Variants in PPP1R14C observed in about 807,000 individuals in gnomAD.
The protein encoded by PPP1R14C is protein phosphatase 1 regulatory inhibitor subunit 14C.
A neutral mutation model predicts 20.4 loss-of-function variants in PPP1R14C; 16 were observed. The ratio of observed to expected loss-of-function variants is 0.78; its 90% CI spans 0.53 to 1.19. PPP1R14C has a LOEUF of 1.19. Ranked by LOEUF, PPP1R14C falls within the 50% of genes most tolerant of loss-of-function variation. The pLI is 0.00. For synonymous variants in PPP1R14C, 91 were observed against 91.0 expected, an observed-to-expected ratio of 1.00 and a Z score of 0.00; for missense variants, 211 against 220.1, an observed-to-expected ratio of 0.96 and a Z score of 0.26.
At chr6:150,198,609 AG>A (rs1183602368) in intron 1 of PPP1R14C, among the ~76,000 whole-genome samples, 2 of 152,228 alleles carry the variant, frequency 1.3e-5, no homozygotes, top group African/African-American at 4.8e-5. Flanking sequence ...AGGTGCCAGC[AG>A]GTGCTGAGAA....
chr6:150,236,010 C>G (rs946324509), intron 3 of PPP1R14C, among the ~76,000 whole-genome samples: 5 of 152,086 alleles, frequency 3.3e-5, no homozygotes, highest in African/African-American at 1.2e-4. Flanking sequence ...ATTACCTAAC[C>G]CGGTTGCTTA....
chr6:150,181,040 T>C lies in PPP1R14C; in HGVS notation c.307-33704T>C, dbSNP rs185187209. Among the ~76,000 whole-genome samples the C allele has an allele frequency of 4.6e-5, 7 of 152,310 alleles. No individual in the cohort carries two copies. The East Asian group carries it at 9.6e-4, about 21-fold the overall frequency. ...GCTCCTCCCTCAGGTCAGATTTAAA[T>C]TGAGTGGTTACTGATGTCTTTTTTA... is the stretch of plus-strand genomic sequence containing the variant. On this transcript the variant is annotated intron_variant, in intron 1 of 3. Transcript: ENST00000361131.
In PPP1R14C at chr6:150,249,752, C is replaced by T. The variant is rs1208767740; in HGVS notation, c.*932C>T. ...GCAGATCAAAAGAAAGTTAGCAGAT[C>T]GAGTGTCTTCTTCCTTAGAAATAGG... On this transcript the variant is annotated 3_prime_UTR_variant, in exon 4 of 4. Coordinates refer to ENST00000361131, the MANE Select transcript of PPP1R14C (RefSeq NM_030949.3). The T allele has an allele frequency of 1.3e-5, 5 of 391,736 alleles. No homozygotes were observed. Among genetic ancestry groups the T allele is most frequent in the Non-Finnish European group, 2.2e-5 (5 of 222,250 alleles). 24.3% of individuals were successfully genotyped at this position (391,736 alleles called of 1,614,324 possible).
At chr6:150,245,117 C>T (rs1374028037) in intron 3 of PPP1R14C, among the ~76,000 whole-genome samples, 1 of 152,080 alleles carries the variant, frequency 6.6e-6, no homozygotes, top group Non-Finnish European at 1.5e-5. Flanking sequence ...TTTCCTGTTC[C>T]CCCTCCCCGC....
In PPP1R14C at chr6:150,234,624, A is replaced by G. The variant is rs535538338; in HGVS notation, c.424-14122A>G. Among the ~76,000 whole-genome samples, 84 of 152,218 alleles carry G rather than the reference A, an allele frequency of 5.5e-4. 1 individual carries two copies. Among genetic ancestry groups the G allele is most frequent in the African/African-American group, 1.9e-3 (77 of 41,546 alleles). Reference sequence around the variant, plus strand: ...AGCACTTTGAGAGGCCAAGGCAGGCAGATCACTTTAGGTCGGGAGTTTGAG... The same window carrying G: ...AGCACTTTGAGAGGCCAAGGCAGGCGGATCACTTTAGGTCGGGAGTTTGAG... On this transcript the variant is annotated intron_variant, in intron 3 of 3. Coordinates refer to ENST00000361131, the MANE Select transcript of PPP1R14C (RefSeq NM_030949.3).
intron 1 of PPP1R14C, among the ~76,000 whole-genome samples, chr6:150,148,247 A>G (rs892274785): frequency 6.6e-6 from 1 of 152,188 alleles, no homozygotes; most frequent in African/African-American, 2.4e-5. Flanking sequence ...TCTTGGCAAC[A>G]ACTCTGAGAC....
chr6:150,230,041 C>T (rs1471502854), intron 3 of PPP1R14C, among the ~76,000 whole-genome samples: 5 of 152,156 alleles, frequency 3.3e-5, no homozygotes, highest in African/African-American at 4.8e-5. Flanking sequence ...GATTCAACTG[C>T]CTGCCTGTTT....
intron 3 of PPP1R14C, among the ~76,000 whole-genome samples, chr6:150,231,673 G>A (rs144962132): frequency 3.9e-5 from 6 of 152,316 alleles, no homozygotes; most frequent in Admixed American, 3.3e-4. Context: ...TTGGAATCAT[G>A]TGGGGGTGAC....
intron 1 of PPP1R14C, among the ~76,000 whole-genome samples, chr6:150,205,484 G>C (rs187968606): frequency 2.6e-5 from 4 of 152,298 alleles, no homozygotes; most frequent in Admixed American, 2.6e-4. Flanking sequence ...TTTGCTCTCT[G>C]AGGTTTGGAT....
At chr6:150,149,280 C>T (rs1455721495) in intron 1 of PPP1R14C, among the ~76,000 whole-genome samples, 1 of 148,620 alleles carries the variant, frequency 6.7e-6, no homozygotes, top group Non-Finnish European at 1.5e-5. Context: ...CCCCTCTGAG[C>T]CTCACTTTCT....
chr6:150,147,841 A>AT (rs1777197213), intron 1 of PPP1R14C, among the ~76,000 whole-genome samples: 1 of 152,074 alleles, frequency 6.6e-6, no homozygotes. Flanking sequence ...CATTACCCCC[A>AT]TTTTATAAAA....
At chr6:150,207,455 TC>T (rs1476608974) in intron 1 of PPP1R14C, among the ~76,000 whole-genome samples, 4 of 152,198 alleles carry the variant, frequency 2.6e-5, no homozygotes, top group Admixed American at 2.6e-4. Flanking sequence ...CCTTGCGTGC[TC>T]CCCAGCTTGT....
At chr6:150,203,085 C>T (rs927276575) in intron 1 of PPP1R14C, among the ~76,000 whole-genome samples, 2 of 152,102 alleles carry the variant, frequency 1.3e-5, no homozygotes, top group Non-Finnish European at 2.9e-5. Flanking sequence ...TGTTGTACAT[C>T]CTGTGGGTTC....
At chr6:150,245,273 A>G (rs1228959490) in intron 3 of PPP1R14C, among the ~76,000 whole-genome samples, 1 of 152,152 alleles carries the variant, frequency 6.6e-6, no homozygotes, top group Non-Finnish European at 1.5e-5. Flanking sequence ...GTACTGCTGT[A>G]GCTTTAAACT....
At chr6:150,212,770 G>A (rs1025144136) in intron 1 of PPP1R14C, among the ~76,000 whole-genome samples, 9 of 152,134 alleles carry the variant, frequency 5.9e-5, no homozygotes, top group African/African-American at 1.9e-4. Context: ...GTTTAGATGC[G>A]CAAATATTTC....
intron 1 of PPP1R14C, chr6:150,164,444 C>A (rs1467545817): frequency 6.6e-6 from 1 of 152,204 alleles, no homozygotes; most frequent in East Asian, 1.9e-4. Context: ...TTTAAGAAAA[C>A]TTTGTCTGCT....
chr6:150,165,871 T>C (rs143032742), intron 1 of PPP1R14C, among the ~76,000 whole-genome samples: 1 of 152,326 alleles, frequency 6.6e-6, no homozygotes, highest in African/African-American at 2.4e-5. Flanking sequence ...TTTCACACAG[T>C]GAATTCAGCG....
intron 3 of PPP1R14C, among the ~76,000 whole-genome samples, chr6:150,235,380 A>G (rs7752335): frequency 0.97 from 147,866 of 152,358 alleles, 71,784 homozygotes; most frequent in East Asian, 1. Flanking sequence ...GTGAGGCACT[A>G]CACCCAGCTG....
chr6:150,154,184 A>C (rs1225100450), intron 1 of PPP1R14C, among the ~76,000 whole-genome samples: 1 of 152,250 alleles, frequency 6.6e-6, no homozygotes, highest in Non-Finnish European at 1.5e-5. Context: ...AATGACTAAA[A>C]ACAACTTACT....
Sources: allele counts gnomAD v4.1 joint callset (sites outside exome capture counted in the v4.1 genomes callset), GRCh38; gene constraint gnomAD v4.1.1; transcripts MANE v1.5; gene names NCBI Gene and HGNC (gene_info 2026-07-23, HGNC 2026-07-21).